Variants in PRR16 observed in about 807,000 individuals in gnomAD.
PRR16 encodes the protein proline rich 16.
Under a neutral mutation model 18.2 loss-of-function variants are expected in PRR16, and 6 were observed. The ratio of observed to expected loss-of-function variants is 0.33; its 90% confidence interval spans 0.18 to 0.65. The LOEUF (loss-of-function observed/expected upper bound fraction) is 0.65, where lower values mean the gene tolerates loss of function less well. Ranked by LOEUF, PRR16 falls within the 30% of genes least tolerant of loss-of-function variation. The pLI is 0.74. For synonymous variants in PRR16, 151 were observed against 147.8 expected, an observed-to-expected ratio of 1.02 and a Z score of -0.16; for missense variants, 412 against 376.6, an observed-to-expected ratio of 1.09 and a Z score of -0.78.
At chr5:120,723,545 G>T in the PRR16 span, among the ~76,000 whole-genome samples, 1 of 151,934 alleles carries the variant, frequency 6.6e-6, no homozygotes, top group African/African-American at 2.4e-5. Flanking sequence ...TATATATTCA[G>T]TAAAGCAAAT....
chr5:120,754,326 T>C, the PRR16 span, among the ~76,000 whole-genome samples: 1 of 71,384 alleles, frequency 1.4e-5, no homozygotes, highest in Non-Finnish European at 2.5e-5. Context: ...ATAAATATTA[T>C]ATGTTATATA....
At chr5:120,517,472 A>C (rs1751034868) in intron 1 of PRR16, among the ~76,000 whole-genome samples, 1 of 152,224 alleles carries the variant, frequency 6.6e-6, no homozygotes, top group African/African-American at 2.4e-5. Flanking sequence ...ACCTTTTCAC[A>C]TATAGAAATG....
chr5:120,671,825 T>A (rs1003408672), intron 1 of PRR16, among the ~76,000 whole-genome samples: 1 of 152,126 alleles, frequency 6.6e-6, no homozygotes, highest in Admixed American at 6.6e-5. Context: ...TATATATGTA[T>A]GAAAAAGAGA....
At chr5:120,642,456 G>A (rs747354501) in intron 1 of PRR16, among the ~76,000 whole-genome samples, 2 of 151,890 alleles carry the variant, frequency 1.3e-5, no homozygotes, top group Non-Finnish European at 2.9e-5. Context: ...ATAACACAAG[G>A]TACCTCAGTG....
At chr5:120,760,920 T>C in the PRR16 span, among the ~76,000 whole-genome samples, 3 of 152,096 alleles carry the variant, frequency 2.0e-5, no homozygotes, top group Non-Finnish European at 4.4e-5. Flanking sequence ...CACTTCTCTA[T>C]TTGTATCCTG....
At chr5:120,737,423 G>A in the PRR16 span, among the ~76,000 whole-genome samples, 1 of 148,396 alleles carries the variant, frequency 6.7e-6, no homozygotes, top group East Asian at 2.0e-4. Context: ...TGTTAATGTG[G>A]TGCGTTACCT....
intron 1 of PRR16, among the ~76,000 whole-genome samples, chr5:120,676,200 G>T (rs957420118): frequency 1.3e-5 from 2 of 152,066 alleles, no homozygotes; most frequent in African/African-American, 4.8e-5. Flanking sequence ...TTTTGTAGAA[G>T]AACCATATCC....
chr5:120,492,100 T>G (rs1274761546), intron 1 of PRR16, among the ~76,000 whole-genome samples: 1 of 147,542 alleles, frequency 6.8e-6, no homozygotes, highest in Non-Finnish European at 1.5e-5. Flanking sequence ...TCTTTTTTTT[T>G]TTTTTGAGAC....
intron 1 of PRR16, among the ~76,000 whole-genome samples, chr5:120,580,004 A>G (rs1234769923): frequency 6.6e-6 from 1 of 152,116 alleles, no homozygotes; most frequent in Non-Finnish European, 1.5e-5. Flanking sequence ...ATTGTGAATG[A>G]GAGTTCATTC....
chr5:120,478,362 T>C (rs1749508143), intron 1 of PRR16, among the ~76,000 whole-genome samples: 1 of 152,214 alleles, frequency 6.6e-6, no homozygotes, highest in African/African-American at 2.4e-5. Context: ...TTGTTTCTCC[T>C]ACTTTGATTC....
At chr5:120,694,142 A>C in the PRR16 span, among the ~76,000 whole-genome samples, 1 of 152,204 alleles carries the variant, frequency 6.6e-6, no homozygotes, top group Admixed American at 6.5e-5. Flanking sequence ...ATTCTTATTA[A>C]TTTGTGACAC....
chr5:120,678,215 G>A (rs1285665825), intron 1 of PRR16, among the ~76,000 whole-genome samples: 2 of 152,084 alleles, frequency 1.3e-5, no homozygotes, highest in Non-Finnish European at 2.9e-5. Flanking sequence ...TCAAGCTTTG[G>A]AGCAAGGCTT....
chr5:120,500,247 G>T (rs1011981025), intron 1 of PRR16, among the ~76,000 whole-genome samples: 3 of 152,104 alleles, frequency 2.0e-5, no homozygotes, highest in Non-Finnish European at 4.4e-5. Flanking sequence ...CAGGTTACTA[G>T]TTTCTTCAGC....
intron 1 of PRR16, among the ~76,000 whole-genome samples, chr5:120,666,720 G>T (rs1166990023): frequency 6.8e-6 from 1 of 147,298 alleles, no homozygotes; most frequent in African/African-American, 2.5e-5. Context: ...AGATAATCAT[G>T]TGGTTTTTGT....
At chr5:120,603,294 T>C (rs1381114659) in intron 1 of PRR16, among the ~76,000 whole-genome samples, 1 of 152,004 alleles carries the variant, frequency 6.6e-6, no homozygotes, top group Non-Finnish European at 1.5e-5. Context: ...TCTTGGAAGG[T>C]TGTATGTTTA....
At chr5:120,692,593 C>T in the PRR16 span, among the ~76,000 whole-genome samples, 1 of 152,174 alleles carries the variant, frequency 6.6e-6, no homozygotes, top group Non-Finnish European at 1.5e-5. Flanking sequence ...AGGAGATGTG[C>T]ATATGGGTGT....
intron 1 of PRR16, among the ~76,000 whole-genome samples, chr5:120,585,641 C>T (rs1285509029): frequency 6.7e-6 from 1 of 149,458 alleles, no homozygotes; most frequent in East Asian, 2.0e-4. Context: ...GCTCCTTCTT[C>T]ACACTACCCC....
intron 1 of PRR16, among the ~76,000 whole-genome samples, chr5:120,501,955 C>CAAAAAAAAAAA (rs548770948): frequency 4.5e-5 from 2 of 44,086 alleles, no homozygotes; most frequent in African/African-American, 7.0e-5. Flanking sequence ...TACTCCGTCT[C>CAAAAAAAAAAA]AAAAAAAAAA....
intron 1 of PRR16, among the ~76,000 whole-genome samples, chr5:120,517,691 A>T (rs1228678805): frequency 6.6e-6 from 1 of 152,148 alleles, no homozygotes; most frequent in Non-Finnish European, 1.5e-5. Context: ...ATCCTGGTTA[A>T]TACTTTGTAG....
Sources: gnomAD v4.1 joint callset for allele counts (sites outside exome capture counted in the v4.1 genomes callset) on GRCh38, gnomAD v4.1.1 for gene constraint, MANE v1.5 for transcripts, NCBI Gene and HGNC (gene_info 2026-07-23, HGNC 2026-07-21) for gene names.